Variants in PPARGC1A observed in about 807,000 individuals in gnomAD.
The protein encoded by PPARGC1A is PPARG coactivator 1 alpha, also known as peroxisome proliferator-activated receptor gamma coactivator 1-alpha.
PPARGC1A carries 25 observed loss-of-function variants against 88.7 expected under a neutral mutation model. The observed-to-expected ratio is 0.28, with a 90% CI of 0.21 to 0.39. The LOEUF (loss-of-function observed/expected upper bound fraction) is 0.39. Among genes scored for constraint, PPARGC1A ranks in the 10% least tolerant of loss-of-function variants. The probability of loss-of-function intolerance (pLI) is 1.00; values close to 1 mark genes in which losing one functional copy is unlikely to be tolerated. For synonymous variants in PPARGC1A, 363 were observed against 355.6 expected, an observed-to-expected ratio of 1.02 and a Z score of -0.24; for missense variants, 880 against 968.7, an observed-to-expected ratio of 0.91 and a Z score of 1.22.
chr4:23,994,345 T>A, the PPARGC1A span, among the ~76,000 whole-genome samples: 1 of 152,076 alleles, frequency 6.6e-6, no homozygotes, highest in Non-Finnish European at 1.5e-5. Flanking sequence ...AGTGTATCAG[T>A]AAGAAGGAAC....
chr4:23,959,866 G>A, the PPARGC1A span, among the ~76,000 whole-genome samples: 16 of 152,036 alleles, frequency 1.1e-4, no homozygotes, highest in African/African-American at 3.6e-4. Context: ...ATCAGTAAGC[G>A]CACCAGGCCA....
chr4:24,284,349 C>T, the PPARGC1A span, among the ~76,000 whole-genome samples: 16 of 152,226 alleles, frequency 1.1e-4, no homozygotes, highest in East Asian at 2.9e-3. Context: ...AAAATGCGTA[C>T]TCAAAGTCAT....
chr4:24,169,567 A>T, the PPARGC1A span, among the ~76,000 whole-genome samples: 98 of 134,986 alleles, frequency 7.3e-4, no homozygotes, highest in Middle Eastern at 3.8e-3. Flanking sequence ...AAGTTTATTT[A>T]AAAAAAAAAA....
At chr4:24,412,240 G>A in the PPARGC1A span, among the ~76,000 whole-genome samples, 1 of 152,066 alleles carries the variant, frequency 6.6e-6, no homozygotes, top group Non-Finnish European at 1.5e-5. Context: ...TGAAATGACT[G>A]GAACCAAGGT....
At chr4:24,190,187 T>C in the PPARGC1A span, among the ~76,000 whole-genome samples, 2 of 152,074 alleles carry the variant, frequency 1.3e-5, no homozygotes, top group African/African-American at 4.8e-5. Flanking sequence ...ACTCCACCCA[T>C]GGATACAACA....
upstream of PPARGC1A, among the ~76,000 whole-genome samples, chr4:23,899,796 A>C (rs1342197713): frequency 1.3e-5 from 2 of 152,164 alleles, no homozygotes; most frequent in Non-Finnish European, 2.9e-5. Context: ...AACCACAGTC[A>C]ACCGGGAGGA....
chr4:24,265,942 A>C, the PPARGC1A span, among the ~76,000 whole-genome samples: 5 of 151,968 alleles, frequency 3.3e-5, no homozygotes, highest in African/African-American at 9.7e-5. Context: ...CATGTGCAAA[A>C]GAGGGGAGTA....
At chr4:24,315,393 T>G in the PPARGC1A span, among the ~76,000 whole-genome samples, 1 of 152,206 alleles carries the variant, frequency 6.6e-6, no homozygotes, top group Admixed American at 6.5e-5. Flanking sequence ...TTTCTTGATA[T>G]GCAGAAGCTG....
chr4:24,446,591 A>ATTTTTTTTTTTTT, the PPARGC1A span, among the ~76,000 whole-genome samples: 2 of 134,884 alleles, frequency 1.5e-5, no homozygotes. Context: ...AAAACACTGA[A>ATTTTTTTTTTTTT]TTTTTTTTTT....
chr4:23,829,118 C>A (rs16874209), intron 4 of PPARGC1A, among the ~76,000 whole-genome samples: 2,927 of 152,298 alleles, frequency 0.019, 106 homozygotes, highest in African/African-American at 0.067. Context: ...GGTTAGACAG[C>A]TAGCAAAACA....
intron 2 of PPARGC1A, among the ~76,000 whole-genome samples, chr4:23,845,109 T>C (rs866271873): frequency 1.3e-4 from 19 of 151,678 alleles, no homozygotes; most frequent in South Asian, 2.1e-4. Flanking sequence ...CACAAGAACA[T>C]TGATCAATCA....
chr4:24,066,607 G>C, the PPARGC1A span, among the ~76,000 whole-genome samples: 4 of 152,116 alleles, frequency 2.6e-5, no homozygotes, highest in Non-Finnish European at 2.9e-5. Context: ...AGAGCTAATG[G>C]GAGCTACAGA....
the PPARGC1A span, among the ~76,000 whole-genome samples, chr4:23,929,822 A>G: frequency 6.6e-6 from 1 of 152,140 alleles, no homozygotes; most frequent in Non-Finnish European, 1.5e-5. Flanking sequence ...CTAGAATAAT[A>G]CCTGCCACCT....
rs188266592 is a variant in PPARGC1A, at chr4:23,833,470, G to T, written c.235-1719C>A. 4.2e-3 allele frequency among the ~76,000 whole-genome samples: 636 copies of T among 152,248 alleles called. 8 individuals are homozygous for T. The highest frequency in any genetic ancestry group is 3.3e-3 in the Non-Finnish European group (224 of 68,010). On this transcript the variant is annotated intron_variant, in intron 2 of 12. Coordinates refer to ENST00000264867, the MANE Select transcript of PPARGC1A (RefSeq NM_013261.5). ...AATATGGGCTAAATTATCCCACACA[G>T]ATTTTATTATAAAATGCACCTAGCT...
the PPARGC1A span, among the ~76,000 whole-genome samples, chr4:24,026,731 C>T: frequency 2.6e-5 from 4 of 152,128 alleles, no homozygotes; most frequent in African/African-American, 7.2e-5. Flanking sequence ...CTTTGCACAA[C>T]AGGCAATCAT....
the PPARGC1A span, among the ~76,000 whole-genome samples, chr4:24,368,391 G>T: frequency 6.6e-6 from 1 of 152,072 alleles, no homozygotes; most frequent in Non-Finnish European, 1.5e-5. Context: ...AAGATATTTT[G>T]TAGTCATGGT....
chr4:23,922,350 A>G, the PPARGC1A span, among the ~76,000 whole-genome samples: 1 of 152,210 alleles, frequency 6.6e-6, no homozygotes, highest in Non-Finnish European at 1.5e-5. Flanking sequence ...TCTTGCCAAA[A>G]TATGCAGGTA....
chr4:24,089,119 C>T, the PPARGC1A span, among the ~76,000 whole-genome samples: 1 of 152,172 alleles, frequency 6.6e-6, no homozygotes, highest in Non-Finnish European at 1.5e-5. Flanking sequence ...AAATATAGTA[C>T]TCAGCTAAAC....
intron 2 of PPARGC1A, among the ~76,000 whole-genome samples, chr4:23,835,478 G>A: frequency 6.6e-6 from 1 of 150,600 alleles, no homozygotes; most frequent in East Asian, 1.9e-4. Flanking sequence ...GTGTGTGTGT[G>A]TGTGTGTGTG....
Sources: gnomAD v4.1 joint callset for allele counts (sites outside exome capture counted in the v4.1 genomes callset) on GRCh38, gnomAD v4.1.1 for gene constraint, MANE v1.5 for transcripts, NCBI Gene and HGNC (gene_info 2026-07-23, HGNC 2026-07-21) for gene names.